ZNF91: variants seen among roughly 807,000 people sequenced by gnomAD.
ZNF91 encodes zinc finger protein 91 (HPF7, HTF10).
A neutral mutation model predicts 12.6 loss-of-function variants in ZNF91; 7 were observed. The ratio of observed to expected loss-of-function variants is 0.55; its 90% confidence interval spans 0.31 to 1.04. ZNF91 has a LOEUF of 1.04. Among genes scored for constraint, ZNF91 ranks in the 50% least tolerant of loss-of-function variants. The pLI is 0.05. For missense variants in ZNF91, 1,217 were observed against 1,385.4 expected (o/e 0.88, Z 1.93); for synonymous variants, 453 against 462.6 (o/e 0.98, Z 0.27).
intron 3 of ZNF91, among the ~76,000 whole-genome samples, chr19:23,370,448 AAT>A (rs1330570994): frequency 6.6e-6 from 1 of 152,196 alleles, no homozygotes; most frequent in African/African-American, 2.4e-5. Flanking sequence ...CAAGATGTAA[AAT>A]TTCTAGAAGT....
chr19:23,319,966 C>T (rs1248690699), intron 1 of ZNF91, among the ~76,000 whole-genome samples: 2 of 152,170 alleles, frequency 1.3e-5, no homozygotes, highest in Non-Finnish European at 2.9e-5. Context: ...TTACCACTCT[C>T]TTGCATGTTG....
At chr19:23,388,897 A>G (rs2170013) in intron 1 of ZNF91, among the ~76,000 whole-genome samples, 137,327 of 152,104 alleles carry the variant, frequency 0.9, 62,211 homozygotes, top group East Asian at 0.99. Context: ...GAAAGAAAAC[A>G]AATGCGTAAA....
chr19:23,362,923 G>A (rs899343117), intron 3 of ZNF91, among the ~76,000 whole-genome samples, 198 bp from the exon 4 acceptor site: 1 of 152,064 alleles, frequency 6.6e-6, no homozygotes, highest in Admixed American at 6.5e-5. Flanking sequence ...ACCCAGGCTG[G>A]AGTGCAGTGG....
downstream of ZNF91, among the ~76,000 whole-genome samples, chr19:23,336,502 C>T (rs549914808): frequency 6.6e-6 from 1 of 152,268 alleles, no homozygotes; most frequent in South Asian, 2.1e-4. Flanking sequence ...GTTGCCTGTT[C>T]GTTACTCTAC....
intron 3 of ZNF91, among the ~76,000 whole-genome samples, chr19:23,342,754 T>A (rs917520887): frequency 6.6e-6 from 1 of 151,684 alleles, no homozygotes; most frequent in Non-Finnish European, 1.5e-5. Context: ...AAATCTGGGG[T>A]ATATTTATTC....
chr19:23,314,169 G>A (rs1472955787), upstream of ZNF91, among the ~76,000 whole-genome samples: 2 of 152,202 alleles, frequency 1.3e-5, no homozygotes, highest in Middle Eastern at 3.4e-3. Flanking sequence ...ATATTCCTAG[G>A]TCTAAAACCC....
At chr19:23,375,361 G>A (rs1455587750) in intron 1 of ZNF91, among the ~76,000 whole-genome samples, 1 of 152,012 alleles carries the variant, frequency 6.6e-6, no homozygotes, top group Admixed American at 6.6e-5. Flanking sequence ...GGGTTTCACT[G>A]TGTTAGCCAG....
At chr19:23,385,223 T>TCCC (rs1969835667) in intron 1 of ZNF91, 2 of 588,972 alleles carry the variant, frequency 3.4e-6, no homozygotes, top group South Asian at 2.4e-5. Flanking sequence ...GGTTCCCTCC[T>TCCC]CCCCCTGCAG....
At chr19:23,316,683 A>G (rs1967567277) in intron 1 of ZNF91, among the ~76,000 whole-genome samples, 1 of 152,240 alleles carries the variant, frequency 6.6e-6, no homozygotes, top group Non-Finnish European at 1.5e-5. Flanking sequence ...CTCATGCCAC[A>G]CATCAGCCAA....
downstream of ZNF91, chr19:23,357,562 A>G (rs189366150): frequency 9.2e-4 from 140 of 152,370 alleles, 1 homozygote; most frequent in African/African-American, 3.2e-3. Flanking sequence ...GATTCATCTT[A>G]GACTAACAGA....
chr19:23,311,269 G>T (rs190358630), upstream of ZNF91, among the ~76,000 whole-genome samples: 1 of 151,968 alleles, frequency 6.6e-6, no homozygotes, highest in South Asian at 2.1e-4. Context: ...GTTGATGTGC[G>T]CTGCATCCAG....
chr19:23,384,332 C>G (rs1287725581), intron 1 of ZNF91, among the ~76,000 whole-genome samples: 4 of 152,084 alleles, frequency 2.6e-5, no homozygotes, highest in African/African-American at 9.7e-5. Context: ...CTGGCCAGGG[C>G]AGTGCACTCA....
intron 3 of ZNF91, among the ~76,000 whole-genome samples, chr19:23,344,193 C>T (rs1599704145): frequency 6.6e-6 from 1 of 152,130 alleles, no homozygotes; most frequent in African/African-American, 2.4e-5. Flanking sequence ...CTCTCGGGTT[C>T]ACGCCATTGT....
At position 23,350,584 on chromosome 19, in the gene ZNF91, T is replaced by C. The variant is rs142982700; in HGVS notation, c.254-11530A>G. 9.3e-3 allele frequency among the ~76,000 whole-genome samples: 1,412 copies of C among 152,278 alleles called. 11 individuals are homozygous for C. The highest frequency in any genetic ancestry group is 0.027 in the South Asian group (132 of 4,822). On this transcript the variant is annotated intron_variant, in intron 3 of 3. Coordinates refer to the ZNF91 transcript ENST00000599743. ...AAGTAGTTATTGAGAAAGTTGTCCC[T>C]TTTTTCTATAACCAAATAGACAGGA...
downstream of ZNF91, among the ~76,000 whole-genome samples, chr19:23,336,052 A>G (rs927365975): frequency 1.3e-5 from 2 of 152,196 alleles, no homozygotes; most frequent in African/African-American, 4.8e-5. Flanking sequence ...CGGAAGTACA[A>G]TTTGATGTCA....
At chr19:23,332,162 G>A (rs368036090) in intron 1 of ZNF91, among the ~76,000 whole-genome samples, 2 of 152,280 alleles carry the variant, frequency 1.3e-5, no homozygotes, top group South Asian at 2.1e-4. Context: ...TCTTCTACCT[G>A]TGCTAGACCT....
At position 23,360,700 on chromosome 19, in the gene ZNF91, T is replaced by C. The variant is rs898456989; in HGVS notation, c.2279A>G (p.His760Arg). 3 of 1,614,046 alleles carry C rather than the reference T, an allele frequency of 1.9e-6. No individual in the cohort carries two copies. Among genetic ancestry groups the C allele is most frequent in the African/African-American group, 1.3e-5 (1 of 75,052 alleles). The change falls in exon 4 of 4, where the codon CAT becomes CGT. Residue 760 changes from histidine (H) to arginine (R), a missense_variant. This residue lies in a region of ZNF91 where 726 missense variants were observed against 895.5 expected (regional missense o/e 0.81). Coordinates refer to ENST00000300619, the MANE Select transcript of ZNF91 (RefSeq NM_003430.4). ...TTTCTCTCTAGTATGAATTCTTTTA[T>C]GTTTAGTAAGGCTTGAGGACCAGTT... is the stretch of plus-strand genomic sequence containing the variant. ...AFNWSSSLTK[H>R]KRIHTREKPF...
chr19:23,359,157 G>T lies in ZNF91; in HGVS notation c.*246C>A. The T allele has an allele frequency of 1.9e-6, 1 of 515,776 alleles. No individual in the cohort carries two copies. The highest frequency in any genetic ancestry group is 3.6e-6 in the Non-Finnish European group (1 of 277,656). The allele number at this position is 515,776 out of a possible 1,614,324, so 31.9% of individuals were successfully genotyped here. A position where few individuals can be genotyped will look rare whatever the true frequency, so the allele number is the denominator to read the frequency against. ...TATGAATTACCTTATGTTTAGTAAA[G>T]GTTGAAGACCGGTTAAAAGATTTGC... On this transcript the variant is annotated 3_prime_UTR_variant, in exon 4 of 4. Transcript: ENST00000300619.
chr19:23,355,129 C>T (rs144238997), downstream of ZNF91, among the ~76,000 whole-genome samples: 1,430 of 152,110 alleles, frequency 9.4e-3, 21 homozygotes, highest in African/African-American at 0.032. Context: ...TCATATAGAA[C>T]CAAAAAAGAG....
Sources: allele counts gnomAD v4.1 joint callset (sites outside exome capture counted in the v4.1 genomes callset), GRCh38; gene constraint gnomAD v4.1.1; regional missense constraint gnomAD v4.1.1; transcripts MANE v1.5; gene names NCBI Gene and HGNC (gene_info 2026-07-23, HGNC 2026-07-21).